The following CENPQ variants were observed in gnomAD, a reference collection of about 807,000 sequenced individuals.
CENPQ encodes chromosome 6 open reading frame 139.
In CENPQ, 27 loss-of-function variants were observed where a neutral mutation model predicts 36.6. The observed-to-expected ratio is 0.74, with a 90% CI of 0.54 to 1.02. CENPQ has a LOEUF of 1.02. Among genes scored for constraint, CENPQ ranks in the 50% least tolerant of loss-of-function variants. The probability of loss-of-function intolerance (pLI) is 0.00; values close to 1 mark genes in which losing one functional copy is unlikely to be tolerated. For missense variants in CENPQ, 306 were observed against 301.8 expected, an observed-to-expected ratio of 1.01 and a Z score of -0.10; for synonymous variants, 101 against 101.7, an observed-to-expected ratio of 0.99 and a Z score of 0.04.
At chr6:49,475,871 C>A (rs1011132628) in intron 5 of CENPQ, among the ~76,000 whole-genome samples, 1 of 139,820 alleles carries the variant, frequency 7.2e-6, no homozygotes, top group Admixed American at 6.9e-5. Context: ...TTACAAGGGA[C>A]GTGAAGGACC....
intron 8 of CENPQ, among the ~76,000 whole-genome samples, chr6:49,490,659 T>A (rs1768699634): frequency 6.6e-6 from 1 of 152,222 alleles, no homozygotes; most frequent in East Asian, 1.9e-4. Context: ...CTTAGTAATC[T>A]CTAGTTTTTG....
intron 6 of CENPQ, among the ~76,000 whole-genome samples, chr6:49,487,017 G>A (rs1200924610): frequency 6.6e-6 from 1 of 151,194 alleles, no homozygotes; most frequent in African/African-American, 2.4e-5. Context: ...TCTGGGCATA[G>A]TGGCAGGTGC....
At chr6:49,468,236 C>T (rs992537874) in intron 1 of CENPQ, among the ~76,000 whole-genome samples, 1 of 151,644 alleles carries the variant, frequency 6.6e-6, no homozygotes, top group Non-Finnish European at 1.5e-5. Context: ...TCAGCTAAGA[C>T]TTTCCTGGGG....
rs539329187 is a variant in CENPQ, at chr6:49,472,184, G to A, written c.278+1G>A. 1.9e-6 allele frequency: 3 copies of A among 1,603,032 alleles called. No homozygotes were observed. Among genetic ancestry groups the A allele is most frequent in the South Asian group, 1.1e-5 (1 of 88,676 alleles). ...AAACTATGATGGAATCAGTAATAAT[G>A]TGAGTATAAAATTGTTCCATTTCAT... is the stretch of plus-strand genomic sequence containing the variant. On this transcript the variant is annotated splice_donor_variant, in intron 4 of 8. Transcript: ENST00000335783. LOFTEE classifies it high-confidence loss of function.
At chr6:49,473,410 A>G (rs886346950) in intron 5 of CENPQ, among the ~76,000 whole-genome samples, 2 of 151,986 alleles carry the variant, frequency 1.3e-5, no homozygotes, top group African/African-American at 4.8e-5. Flanking sequence ...TTTTCTTTTT[A>G]TAAGAAACTA....
At chr6:49,473,690 T>C (rs891942524) in intron 5 of CENPQ, among the ~76,000 whole-genome samples, 2 of 152,142 alleles carry the variant, frequency 1.3e-5, no homozygotes, top group Non-Finnish European at 2.9e-5. Flanking sequence ...TAAATGTAAA[T>C]GGGCTAAATG....
chr6:49,471,997 C>A, intron 3 of CENPQ, 66 bp from the exon 4 acceptor site: 2 of 1,481,932 alleles, frequency 1.3e-6, no homozygotes, highest in South Asian at 1.4e-5. Context: ...TGAAAACATT[C>A]CATTTTTAAG....
chr6:49,481,013 T>A lies in CENPQ; in HGVS notation c.410T>A (p.Val137Glu), dbSNP rs756161691. The A allele has an allele frequency of 1.4e-5, 23 of 1,610,494 alleles. No individual in the cohort carries two copies. The highest frequency in any genetic ancestry group is 1.7e-4 in the Middle Eastern group (1 of 6,050). Residue 137 changes from valine to glutamate, a missense_variant, in exon 6 of 9, where the codon GTA becomes GAA. Physicochemically the swap from Val to Glu is moderately radical, Grantham distance 121. Coordinates refer to ENST00000335783, the MANE Select transcript of CENPQ (RefSeq NM_018132.4). ...PPKKMEDLTN[V>E]SSLLNMERAR... is the part of the protein sequence containing the mutation. The stretch of plus-strand genomic sequence containing the variant: ...AAAAAGATGGAAGATTTAACTAATG[T>A]ATCAAGTCTACTGAATATGGAAAGG...
chr6:49,473,253 C>T (rs1436379448), intron 5 of CENPQ, among the ~76,000 whole-genome samples: 2 of 152,158 alleles, frequency 1.3e-5, no homozygotes, highest in Non-Finnish European at 2.9e-5. Context: ...AAATTATTTG[C>T]ATGAGCAACA....
At position 49,488,635 on chromosome 6, in the gene CENPQ, T is replaced by C. The variant is rs1561970849; in HGVS notation, c.626T>C (p.Leu209Pro). Reference sequence around the variant, plus strand: ...CATCAAATAAATAGTAGTGGAGTACTCTCTCTTCCGGAACTTTCTCAGAAA... The same window carrying C: ...CATCAAATAAATAGTAGTGGAGTACCCTCTCTTCCGGAACTTTCTCAGAAA... The part of the protein sequence containing the change: ...QMHQINSSGV[L>P]SLPELSQKTL... Residue 209 changes from leucine (L) to proline (P), a missense_variant, in exon 8 of 9, where the codon CTC becomes CCC. Coordinates refer to ENST00000335783, the MANE Select transcript of CENPQ (RefSeq NM_018132.4). The C allele has an allele frequency of 6.2e-7, 1 of 1,613,720 alleles. No homozygotes were observed. Among genetic ancestry groups the C allele is most frequent in the African/African-American group, 1.3e-5 (1 of 75,044 alleles).
chr6:49,486,994 G>GA (rs1020777655), intron 6 of CENPQ, among the ~76,000 whole-genome samples: 12 of 148,020 alleles, frequency 8.1e-5, no homozygotes, highest in Non-Finnish European at 1.5e-4. Context: ...TTACAATACA[G>GA]AAAAAAAAAT....
At chr6:49,473,347 A>G (rs1768190853) in intron 5 of CENPQ, among the ~76,000 whole-genome samples, 1 of 152,184 alleles carries the variant, frequency 6.6e-6, no homozygotes, top group Non-Finnish European at 1.5e-5. Context: ...CTTAAAAGGC[A>G]CACCACTGCC....
intron 5 of CENPQ, among the ~76,000 whole-genome samples, chr6:49,479,188 C>CT (rs2127425965): frequency 6.6e-6 from 1 of 152,140 alleles, no homozygotes; most frequent in South Asian, 2.1e-4. Flanking sequence ...TTGCTGCCTA[C>CT]TTTTTTCTTT....
rs566967891 is a variant in CENPQ, at chr6:49,473,831, A to C, written c.347+973A>C. Among the ~76,000 whole-genome samples the C allele has an allele frequency of 1.4e-4, 22 of 152,306 alleles. No homozygotes were observed. The South Asian group carries it at 1.5e-3, about 10-fold the overall frequency. Reference sequence around the variant, plus strand: ...ATACAGGGATGGAGAAAGATCTACCAAGCAAATGGAAAACAAAAAAAGGCA... The same window carrying C: ...ATACAGGGATGGAGAAAGATCTACCCAGCAAATGGAAAACAAAAAAAGGCA... On this transcript the variant is annotated intron_variant, in intron 5 of 8. Coordinates refer to ENST00000335783, the MANE Select transcript of CENPQ (RefSeq NM_018132.4).
Position 49,472,811 on chromosome 6 carries a change from TA to T in CENPQ, c.303del (p.Glu102LysfsTer12). 1 of 1,460,562 alleles carries T rather than the reference TA, an allele frequency of 6.8e-7. No individual in the cohort carries two copies. The highest frequency in any genetic ancestry group is 9.3e-7 in the Non-Finnish European group (1 of 1,074,870). The allele number at this position is 1,460,562 out of a possible 1,614,324, so 90.5% of individuals were successfully genotyped here. A position where few individuals can be genotyped will look rare whatever the true frequency, so the allele number is the denominator to read the frequency against. Reference sequence around the variant, plus strand: ...CTAGGACAATTTTGAGTAACAGTATTAAAGAAAAAGAAGAAATACAATACCA... The same window carrying T: ...CTAGGACAATTTTGAGTAACAGTATTAAGAAAAAGAAGAAATACAATACCA... ...VIMTILSNSI[K>X]EKEEIQYHLN... On this transcript the variant is annotated frameshift_variant, in exon 5 of 9. Coordinates refer to ENST00000335783, the MANE Select transcript of CENPQ (RefSeq NM_018132.4). LOFTEE classifies it high-confidence loss of function.
Position 49,472,157 on chromosome 6 carries a change from G to A in CENPQ, c.252G>A (p.Leu84=), listed in dbSNP as rs779940883. The stretch of plus-strand genomic sequence containing the variant: ...TGTCAAAGAGTACCAGAGACCATTT[G>A]CAAACTATGATGGAATCAGTAATAA... ...QPLSKSTRDH[L]QTMMESVIMT... is the part of the protein sequence containing the mutation. The change falls in exon 4 of 9, where the codon TTG becomes TTA. Residue 84 remains leucine (L), a synonymous_variant. Transcript: ENST00000335783. 1 of 1,611,562 alleles carries A rather than the reference G, an allele frequency of 6.2e-7. No individual in the cohort carries two copies. The highest frequency in any genetic ancestry group is 8.5e-7 in the Non-Finnish European group (1 of 1,179,016).
In CENPQ at chr6:49,464,131, A is replaced by G. The variant is rs146543457; in HGVS notation, c.-19+678A>G. On this transcript the variant is annotated intron_variant, in intron 1 of 8. Coordinates refer to ENST00000335783, the MANE Select transcript of CENPQ (RefSeq NM_018132.4). ...AATACTTTTTCTATGAATAATGTAC[A>G]AACATACTTCCGAGATATTGCGGGG... Among the ~76,000 whole-genome samples, 12 of 152,300 alleles carry G rather than the reference A, an allele frequency of 7.9e-5. No individual in the cohort carries two copies. The South Asian group carries it at 2.5e-3, about 32-fold the overall frequency.
chr6:49,491,769 G>A (rs540461230), intron 8 of CENPQ, among the ~76,000 whole-genome samples: 1 of 152,082 alleles, frequency 6.6e-6, no homozygotes. Context: ...TACAAAATTA[G>A]CCAGGTGTGG....
chr6:49,470,243 A>G lies in CENPQ; in HGVS notation c.67A>G (p.Lys23Glu). Residue 23 changes from lysine to glutamate, a missense_variant, in exon 2 of 9, where the codon AAG (lysine) becomes GAG (glutamate). Lys to Glu is a moderately conservative substitution (Grantham distance 56). Transcript: ENST00000335783. The part of the protein sequence containing the change: ...QQLKRNPKRK[K>E]DNEEVVLSEN... ...GTTAAAAAGAAATCCAAAGAGAAAAAAGGATAATGAGGAAGTTGTGTTGTC... is the reference window on the plus strand; with the variant it reads ...GTTAAAAAGAAATCCAAAGAGAAAAGAGGATAATGAGGAAGTTGTGTTGTC... 1 of 1,608,482 alleles carries G rather than the reference A, an allele frequency of 6.2e-7. No homozygotes were observed. Among genetic ancestry groups the G allele is most frequent in the Non-Finnish European group, 8.5e-7 (1 of 1,176,234 alleles).
Sources: allele counts gnomAD v4.1 joint callset (sites outside exome capture counted in the v4.1 genomes callset), GRCh38; gene constraint gnomAD v4.1.1; transcripts MANE v1.5; gene names NCBI Gene and HGNC (gene_info 2026-07-23, HGNC 2026-07-21).